FNDC3A: variants seen among roughly 807,000 people sequenced by gnomAD.
The protein encoded by FNDC3A is fibronectin type-III domain-containing protein 3A.
In FNDC3A, 32 loss-of-function variants were observed where a neutral mutation model predicts 148.9. The observed-to-expected ratio is 0.21, with a 90% confidence interval of 0.16 to 0.29. FNDC3A has a LOEUF of 0.29. Ranked by LOEUF, FNDC3A falls within the 10% of genes least tolerant of loss-of-function variation. FNDC3A has a pLI of 1.00. For missense variants in FNDC3A, 1,191 were observed against 1,452.8 expected (o/e 0.82, Z 2.93); for synonymous variants, 472 against 473.6 (o/e 1.00, Z 0.04).
intron 2 of FNDC3A, among the ~76,000 whole-genome samples, chr13:49,030,809 G>T (rs865924309): frequency 1.3e-4 from 20 of 152,040 alleles, no homozygotes; most frequent in African/African-American, 4.6e-4. Flanking sequence ...AGAAATATAA[G>T]ATGTATACAC....
At chr13:49,017,561 C>G (rs958606895) in intron 2 of FNDC3A, among the ~76,000 whole-genome samples, 2 of 152,070 alleles carry the variant, frequency 1.3e-5, no homozygotes, top group African/African-American at 4.8e-5. Context: ...ATCAAATTTG[C>G]CAGTCTGTGT....
intron 3 of FNDC3A, among the ~76,000 whole-genome samples, chr13:49,090,681 G>C (rs746046729): frequency 2.6e-5 from 4 of 151,304 alleles, no homozygotes; most frequent in Non-Finnish European, 4.4e-5. Flanking sequence ...CCGTCTGGGA[G>C]CCATGCATTA....
intron 3 of FNDC3A, among the ~76,000 whole-genome samples, chr13:49,113,880 G>T (rs1276295386): frequency 2.0e-5 from 3 of 152,064 alleles, no homozygotes; most frequent in Non-Finnish European, 2.9e-5. Context: ...TGCTTCTTTT[G>T]TTCCCAGAAA....
At chr13:49,053,428 A>G (rs1285449521) in intron 2 of FNDC3A, among the ~76,000 whole-genome samples, 2 of 152,234 alleles carry the variant, frequency 1.3e-5, no homozygotes, top group Non-Finnish European at 2.9e-5. Flanking sequence ...ATCATGACTC[A>G]TGACACAGCC....
chr13:48,983,698 A>G (rs1014503327), intron 1 of FNDC3A, among the ~76,000 whole-genome samples: 1 of 152,226 alleles, frequency 6.6e-6, no homozygotes, highest in Non-Finnish European at 1.5e-5. Context: ...CACTTTCTGT[A>G]TTCTGGGTGC....
intron 5 of FNDC3A, among the ~76,000 whole-genome samples, chr13:49,134,881 C>G: frequency 9.2e-6 from 1 of 108,328 alleles, no homozygotes; most frequent in East Asian, 3.1e-4. Context: ...CAGAGTCTCG[C>G]TCTGTCGCCC....
intron 2 of FNDC3A, among the ~76,000 whole-genome samples, chr13:49,053,158 C>G (rs917617352): frequency 2.0e-5 from 3 of 152,212 alleles, no homozygotes; most frequent in African/African-American, 7.2e-5. Context: ...CCTCCCCATT[C>G]AGAAAGCAAG....
intron 3 of FNDC3A, among the ~76,000 whole-genome samples, chr13:49,108,931 T>C (rs554119338): frequency 2.4e-4 from 37 of 152,352 alleles, no homozygotes; most frequent in Non-Finnish European, 5.0e-4. Flanking sequence ...CATATATTTA[T>C]TGAGACCTAT....
At chr13:49,084,141 A>G (rs972649090) in intron 3 of FNDC3A, among the ~76,000 whole-genome samples, 1 of 152,214 alleles carries the variant, frequency 6.6e-6, no homozygotes, top group Non-Finnish European at 1.5e-5. Context: ...AGAAACTTCC[A>G]CTACATTCTG....
At chr13:49,079,470 C>T (rs933485126) in intron 3 of FNDC3A, among the ~76,000 whole-genome samples, 2 of 152,108 alleles carry the variant, frequency 1.3e-5, no homozygotes, top group Non-Finnish European at 2.9e-5. Flanking sequence ...GACACATGAG[C>T]CTCCTCGAAG....
At chr13:49,071,717 T>G (rs1449090205) in intron 2 of FNDC3A, among the ~76,000 whole-genome samples, 1 of 127,722 alleles carries the variant, frequency 7.8e-6, no homozygotes, top group Admixed American at 9.1e-5. Context: ...TTTTTAAATC[T>G]GATTATTTGG....
At chr13:49,110,922 A>G (rs1190261210) in intron 3 of FNDC3A, among the ~76,000 whole-genome samples, 3 of 152,166 alleles carry the variant, frequency 2.0e-5, no homozygotes, top group Non-Finnish European at 4.4e-5. Flanking sequence ...TCTTAAGACA[A>G]TTGGTTAGAA....
intron 2 of FNDC3A, among the ~76,000 whole-genome samples, chr13:49,035,169 A>T (rs1282852061): frequency 2.6e-5 from 4 of 152,068 alleles, no homozygotes; most frequent in Non-Finnish European, 5.9e-5. Context: ...ATTATTGCCA[A>T]CCCACACATG....
At chr13:49,054,359 C>G (rs1876071534) in intron 2 of FNDC3A, among the ~76,000 whole-genome samples, 1 of 152,130 alleles carries the variant, frequency 6.6e-6, no homozygotes, top group African/African-American at 2.4e-5. Context: ...ATGCCAGATT[C>G]CTGAAAGGAG....
At chr13:49,081,722 G>C (rs1878483680) in intron 3 of FNDC3A, among the ~76,000 whole-genome samples, 1 of 152,080 alleles carries the variant, frequency 6.6e-6, no homozygotes, top group African/African-American at 2.4e-5. Flanking sequence ...CTGCAAAGTG[G>C]CTTCTACAAA....
At chr13:49,195,215 C>T (rs1279335554) in intron 19 of FNDC3A, among the ~76,000 whole-genome samples, 1 of 152,142 alleles carries the variant, frequency 6.6e-6, no homozygotes, top group African/African-American at 2.4e-5. Context: ...TAAAGTCTAG[C>T]TAAAATCAGT....
chr13:49,110,959 A>T (rs1880527578), intron 3 of FNDC3A, among the ~76,000 whole-genome samples: 1 of 152,200 alleles, frequency 6.6e-6, no homozygotes, highest in African/African-American at 2.4e-5. Context: ...AGGTTTTTGA[A>T]ATAGGAAATG....
At chr13:49,006,119 A>G in intron 1 of FNDC3A, 33 bp from the exon 2 acceptor site, 1 of 762,332 alleles carries the variant, frequency 1.3e-6, no homozygotes, top group Non-Finnish European at 2.2e-6. Flanking sequence ...TTAAGGATAT[A>G]CTTACAAATG....
chr13:49,069,975 A>G, intron 2 of FNDC3A, among the ~76,000 whole-genome samples: 1 of 152,236 alleles, frequency 6.6e-6, no homozygotes, highest in Non-Finnish European at 1.5e-5. Context: ...GAGTCTTCAG[A>G]TAAATTTTAG....
Sources: gnomAD v4.1 joint callset for allele counts (sites outside exome capture counted in the v4.1 genomes callset) on GRCh38, gnomAD v4.1.1 for gene constraint, MANE v1.5 for transcripts, NCBI Gene and HGNC (gene_info 2026-07-23, HGNC 2026-07-21) for gene names.